Variants in PICALM observed in about 807,000 individuals in gnomAD.
PICALM encodes phosphatidylinositol binding clathrin assembly protein.
Under a neutral mutation model 80.5 loss-of-function variants are expected in PICALM, and 40 were observed. The observed-to-expected ratio is 0.50, with a 90% CI of 0.39 to 0.65. The LOEUF is 0.65. PICALM is among the 30% of genes least tolerant of loss of function. The pLI, the probability that PICALM is intolerant of heterozygous loss-of-function variation, is 0.00. For synonymous variants in PICALM, 288 were observed against 260.3 expected (o/e 1.11, Z -1.02); for missense variants, 676 against 778.9 (o/e 0.87, Z 1.57).
intron 17 of PICALM, among the ~76,000 whole-genome samples, chr11:85,980,168 T>C (rs532470480): frequency 6.6e-6 from 1 of 152,304 alleles, no homozygotes; most frequent in African/African-American, 2.4e-5. Context: ...ACTCATCCAA[T>C]ACAGTTCACC....
At chr11:86,067,194 C>G (rs1417664896) in intron 1 of PICALM, among the ~76,000 whole-genome samples, 1 of 152,158 alleles carries the variant, frequency 6.6e-6, no homozygotes, top group East Asian at 1.9e-4. Context: ...AAAGTGCAAA[C>G]TTTACGGCCA....
intron 2 of PICALM, among the ~76,000 whole-genome samples, chr11:86,030,906 G>T (rs1393491628): frequency 1.3e-5 from 2 of 152,152 alleles, no homozygotes. Flanking sequence ...CTTGAGCCCA[G>T]AAGTTCAAGA....
At chr11:86,064,419 G>A (rs2096413418) in intron 1 of PICALM, among the ~76,000 whole-genome samples, 1 of 152,126 alleles carries the variant, frequency 6.6e-6, no homozygotes, top group Non-Finnish European at 1.5e-5. Flanking sequence ...CAGCACTTTA[G>A]GAGGCTCAGC....
chr11:85,962,064 G>A (rs1447487422), intron 19 of PICALM, among the ~76,000 whole-genome samples: 2 of 152,098 alleles, frequency 1.3e-5, no homozygotes, highest in Non-Finnish European at 1.5e-5. Flanking sequence ...AAGACAATGG[G>A]AAGAGACAAA....
chr11:86,022,262 T>C (rs1034632375), intron 4 of PICALM, 105 bp downstream of exon 4: 9 of 654,962 alleles, frequency 1.4e-5, no homozygotes, highest in South Asian at 1.9e-5. Context: ...ATGAGGCTCA[T>C]CTTTTAAAAC....
At chr11:85,974,388 T>C (rs1301699190) in intron 19 of PICALM, 1 of 516,442 alleles carries the variant, frequency 1.9e-6, no homozygotes, top group South Asian at 1.4e-5. Flanking sequence ...GTTAATGGTT[T>C]TGAGGTTCAC....
rs142867857 is a variant in PICALM at position 86,047,295 on chromosome 11, C to T, written c.131-15684G>A. Among the ~76,000 whole-genome samples, 13 of 152,336 alleles carry T rather than the reference C, an allele frequency of 8.5e-5. No individual in the cohort carries two copies. In the East Asian group the frequency reaches 2.3e-3, roughly 27 times the overall value. On this transcript the variant is annotated intron_variant, in intron 1 of 19. Transcript: ENST00000393346. ...TCTAATTCCTAGTATACACAGTAGG[C>T]CACCTCTTGTCTGGTTTAGTATAAT...
intron 6 of PICALM, 116 bp from the exon 7 acceptor site, chr11:86,011,252 C>G (rs1411107691): frequency 1.8e-6 from 1 of 561,140 alleles, no homozygotes; most frequent in Non-Finnish European, 3.1e-6. Flanking sequence ...ACATACCCTA[C>G]TAGAAAAATA....
intron 1 of PICALM, among the ~76,000 whole-genome samples, chr11:86,063,649 T>A (rs1175860786): frequency 6.6e-6 from 1 of 151,968 alleles, no homozygotes; most frequent in African/African-American, 2.4e-5. Flanking sequence ...ACAGAAAAAA[T>A]AAAAATAAAT....
intron 8 of PICALM, chr11:86,007,254 CAA>C (rs2136206065): frequency 5.3e-6 from 1 of 187,562 alleles, no homozygotes; most frequent in Admixed American, 6.1e-5. Flanking sequence ...ATTCAGGTTC[CAA>C]AAAGTTTTTT....
chr11:86,057,208 A>G lies in PICALM; in HGVS notation c.130+11443T>C, dbSNP rs138406142. Among the ~76,000 whole-genome samples the G allele has an allele frequency of 3.1e-3, 474 of 152,306 alleles. 4 individuals carry two copies. Among genetic ancestry groups the G allele is most frequent in the South Asian group, 0.011 (51 of 4,822 alleles). The stretch of plus-strand genomic sequence containing the variant: ...AAAATTGCAAAAAAATGTGTACTCT[A>G]AAAGGGAAAAAAAATAAATAATTGC... On this transcript the variant is annotated intron_variant, in intron 1 of 19. Transcript: ENST00000393346.
chr11:85,973,768 A>G (rs2094185659), intron 19 of PICALM, among the ~76,000 whole-genome samples: 2 of 152,222 alleles, frequency 1.3e-5, no homozygotes, highest in African/African-American at 4.8e-5. Context: ...TGAAAGGGGA[A>G]TAACAAGTCC....
chr11:86,065,066 G>C (rs1388909625), intron 1 of PICALM, among the ~76,000 whole-genome samples: 3 of 152,038 alleles, frequency 2.0e-5, no homozygotes, highest in Non-Finnish European at 2.9e-5. Flanking sequence ...GACAGAGCAA[G>C]ACCCTGTATC....
At chr11:85,983,710 C>A (rs1219533974) in intron 14 of PICALM, among the ~76,000 whole-genome samples, 156 bp downstream of exon 14, 1 of 152,142 alleles carries the variant, frequency 6.6e-6, no homozygotes, top group African/African-American at 2.4e-5. Context: ...CTAAACAGCT[C>A]CTTGAAGTTC....
At chr11:86,037,190 C>T (rs767963239) in intron 1 of PICALM, among the ~76,000 whole-genome samples, 6 of 149,536 alleles carry the variant, frequency 4.0e-5, no homozygotes, top group Non-Finnish European at 8.9e-5. Context: ...GTGATCTACC[C>T]GCTTCGGCCT....
intron 1 of PICALM, among the ~76,000 whole-genome samples, chr11:86,068,237 T>C (rs1005232533): frequency 2.0e-5 from 3 of 151,962 alleles, no homozygotes; most frequent in Non-Finnish European, 4.4e-5. Flanking sequence ...AGGAGGCTGA[T>C]GAAGAAACAA....
Position 86,031,588 on chromosome 11 carries a change from T to C in PICALM, c.154A>G (p.Met52Val), listed in dbSNP as rs769730320. ...LDYLIQCTNEMNVNIPQLADS... is the reference protein window; with the variant it reads ...LDYLIQCTNEVNVNIPQLADS... ...GCCAACTGTGGGATGTTCACATTCATCTCATTTGTGCACTGAATTAAGTCT... is the reference window on the plus strand; with the variant it reads ...GCCAACTGTGGGATGTTCACATTCACCTCATTTGTGCACTGAATTAAGTCT... Residue 52 changes from methionine to valine, a missense_variant, in exon 2 of 20, where the codon ATG becomes GTG. By Grantham distance (21) the Met-to-Val change is conservative. This residue lies in a region of PICALM where 285 missense variants were observed against 395.4 expected (regional missense o/e 0.72). Coordinates refer to ENST00000393346, the MANE Select transcript of PICALM (RefSeq NM_007166.4). The C allele has an allele frequency of 1.9e-5, 31 of 1,610,798 alleles. No individual in the cohort carries two copies. The highest frequency in any genetic ancestry group is 2.6e-5 in the Non-Finnish European group (31 of 1,178,982).
intron 1 of PICALM, among the ~76,000 whole-genome samples, chr11:86,065,130 T>A (rs2096426737): frequency 1.3e-5 from 2 of 151,762 alleles, no homozygotes; most frequent in African/African-American, 2.4e-5. Context: ...TAAAAATGAT[T>A]TTTATATTAA....
In PICALM at chr11:86,001,141, T is replaced by C; in HGVS notation, c.911A>G (p.Asn304Ser). 4 of 1,613,874 alleles carry C rather than the reference T, an allele frequency of 2.5e-6. No homozygotes were observed. The highest frequency in any genetic ancestry group is 3.4e-6 in the Non-Finnish European group (4 of 1,179,848). The change falls in exon 10 of 20, where the codon AAT (asparagine) becomes AGT (serine). Residue 304 changes from asparagine (N) to serine (S), a missense_variant. Around this residue, in one of 2 missense-constraint regions of PICALM, gnomAD observed 285 missense variants for 395.4 expected, o/e 0.72. Coordinates refer to ENST00000393346, the MANE Select transcript of PICALM (RefSeq NM_007166.4). ...AGTGCTTGCCAGGGAAGACACTGCA[T>C]TGGAAAGTGTAGTTGCCCTAGGATA... ...TAASRATTLS[N>S]AVSSLASTGL...
Sources: gnomAD v4.1 joint callset for allele counts (sites outside exome capture counted in the v4.1 genomes callset) on GRCh38, gnomAD v4.1.1 for gene constraint, gnomAD v4.1.1 regional missense constraint, MANE v1.5 for transcripts, NCBI Gene and HGNC (gene_info 2026-07-23, HGNC 2026-07-21) for gene names.